CUX1: variants seen among roughly 807,000 people sequenced by gnomAD.
CUX1 encodes cut like homeobox 1, also known as protein CASP.
In CUX1, 31 loss-of-function variants were observed where a neutral mutation model predicts 158.8. The observed-to-expected ratio is 0.20, with a 90% CI of 0.15 to 0.26. The LOEUF (loss-of-function observed/expected upper bound fraction) is 0.26, where lower values mean the gene tolerates loss of function less well. Ranked by LOEUF, CUX1 falls within the 10% of genes least tolerant of loss-of-function variation. The pLI is 1.00. For missense variants in CUX1, 1,589 were observed against 2,014.6 expected (o/e 0.79, Z 4.04); for synonymous variants, 879 against 862.1 (o/e 1.02, Z -0.34).
intron 2 of CUX1, among the ~76,000 whole-genome samples, chr7:101,984,089 A>AAATAT (rs1221503978): frequency 2.7e-4 from 8 of 29,846 alleles, no homozygotes; most frequent in East Asian, 6.7e-4. Context: ...AAAAAAAAAA[A>AAATAT]ATATATATAT....
At chr7:102,106,876 C>T (rs147181265) in intron 6 of CUX1, among the ~76,000 whole-genome samples, 2 of 152,162 alleles carry the variant, frequency 1.3e-5, no homozygotes, top group African/African-American at 4.8e-5. Context: ...CTTTGGGGCT[C>T]GCCTGCCCTG....
intron 5 of CUX1, among the ~76,000 whole-genome samples, chr7:102,098,949 G>A (rs78320166): frequency 0.016 from 2,424 of 148,332 alleles, 34 homozygotes; most frequent in Non-Finnish European, 0.025. Flanking sequence ...GTGAGCCACC[G>A]CACCCAGCCA....
rs1554539511 is a variant in CUX1, at chr7:102,250,311, G to A, written c.*1269G>A. 11 of 985,306 alleles carry A rather than the reference G, an allele frequency of 1.1e-5. No homozygotes were observed. Among genetic ancestry groups the A allele is most frequent in the Non-Finnish European group, 1.3e-5 (11 of 829,964 alleles). The allele number at this position is 985,306 out of a possible 1,614,324, so 61.0% of individuals were successfully genotyped here. ...ACAGCAGGCAGTTCCAGGGCCAGAC[G>A]GGCCCATCCCCAAGTAGATAGCAGT... On this transcript the variant is annotated 3_prime_UTR_variant, in exon 24 of 24. Transcript: ENST00000292535.
chr7:102,230,856 C>T (rs997633739), intron 21 of CUX1, among the ~76,000 whole-genome samples: 2 of 152,000 alleles, frequency 1.3e-5, no homozygotes, highest in African/African-American at 4.8e-5. Flanking sequence ...TAGGAAGTGG[C>T]ATTTCGTGTA....
chr7:102,214,218 T>C (rs1449925487), intron 20 of CUX1, among the ~76,000 whole-genome samples: 1 of 152,038 alleles, frequency 6.6e-6, no homozygotes, highest in Non-Finnish European at 1.5e-5. Flanking sequence ...AAAGGTGATT[T>C]GCCCCAATCA....
intron 4 of CUX1, among the ~76,000 whole-genome samples, chr7:102,087,320 C>G (rs564853254): frequency 6.6e-6 from 1 of 152,184 alleles, no homozygotes; most frequent in Non-Finnish European, 1.5e-5. Context: ...ATGGCTCACA[C>G]CTGTAATCCC....
At chr7:102,140,805 C>T (rs555671214) in intron 8 of CUX1, among the ~76,000 whole-genome samples, 2 of 149,990 alleles carry the variant, frequency 1.3e-5, no homozygotes, top group Admixed American at 6.7e-5. Context: ...GCAGAGGTTG[C>T]GGTGAGCCAA....
At chr7:102,090,829 C>T (rs1828509035) in intron 4 of CUX1, among the ~76,000 whole-genome samples, 1 of 151,954 alleles carries the variant, frequency 6.6e-6, no homozygotes, top group East Asian at 1.9e-4. Context: ...TGAGTGTTAA[C>T]TCTGTGTATG....
intron 21 of CUX1, among the ~76,000 whole-genome samples, chr7:102,229,611 C>CTTTTT (rs781991747): frequency 1.7e-4 from 12 of 70,020 alleles, no homozygotes; most frequent in Admixed American, 3.6e-4. Context: ...CGTGTCTGGC[C>CTTTTT]TTTTTTTTTT....
In CUX1 at chr7:102,256,341, CTATTT is replaced by C. The variant is rs1338150253; in HGVS notation, c.*7300_*7304del. ...AAAAAAAAATTATTTCTATCCTCTTCTATTTATTATTAGGTTAATCATTTAAGTAC... is the reference window on the plus strand; with the variant it reads ...AAAAAAAAATTATTTCTATCCTCTTCATTATTAGGTTAATCATTTAAGTAC... On this transcript the variant is annotated 3_prime_UTR_variant, in exon 24 of 24. Transcript: ENST00000292535. 1.0e-6 allele frequency: 1 copy of C among 984,504 alleles called. No homozygotes were observed. The highest frequency in any genetic ancestry group is 1.7e-5 in the African/African-American group (1 of 57,182). 61.0% of individuals were successfully genotyped at this position (984,504 alleles called of 1,614,324 possible).
At chr7:101,973,588 G>C (rs764970344) in intron 2 of CUX1, among the ~76,000 whole-genome samples, 1 of 151,996 alleles carries the variant, frequency 6.6e-6, no homozygotes, top group Admixed American at 6.6e-5. Flanking sequence ...GAATGCACCC[G>C]TGTCCCCTGC....
At chr7:101,984,750 C>T (rs1011071763) in intron 2 of CUX1, among the ~76,000 whole-genome samples, 1 of 152,104 alleles carries the variant, frequency 6.6e-6, no homozygotes, top group Non-Finnish European at 1.5e-5. Context: ...AAAAACAGCA[C>T]GTTCTCAGTA....
intron 2 of CUX1, among the ~76,000 whole-genome samples, chr7:101,919,806 G>A (rs990670862): frequency 6.6e-6 from 1 of 152,224 alleles, no homozygotes; most frequent in African/African-American, 2.4e-5. Flanking sequence ...CTCTAGTCCA[G>A]GAGGGAAAAG....
chr7:102,002,596 C>T (rs1171370879), intron 2 of CUX1, among the ~76,000 whole-genome samples: 1 of 152,210 alleles, frequency 6.6e-6, no homozygotes, highest in African/African-American at 2.4e-5. Flanking sequence ...ACAAGGGGGC[C>T]TTGCTGTTGG....
At chr7:102,069,697 G>A (rs368472931) in intron 3 of CUX1, among the ~76,000 whole-genome samples, 1 of 152,196 alleles carries the variant, frequency 6.6e-6, no homozygotes, top group African/African-American at 2.4e-5. Flanking sequence ...GCAGTGAGCT[G>A]AGATCGTGCT....
chr7:102,185,998 G>A (rs1010472960), intron 11 of CUX1, among the ~76,000 whole-genome samples: 7 of 152,194 alleles, frequency 4.6e-5, no homozygotes, highest in South Asian at 2.1e-4. Context: ...CGCGGCCAGC[G>A]GTAGCGTGAC....
intron 9 of CUX1, among the ~76,000 whole-genome samples, chr7:102,168,010 G>C (rs939450308): frequency 2.6e-5 from 4 of 151,772 alleles, no homozygotes; most frequent in Admixed American, 2.6e-4. Context: ...CCCGGGAGGC[G>C]GAGGTTGCAG....
chr7:102,138,948 GA>G (rs1554499421), intron 8 of CUX1, among the ~76,000 whole-genome samples: 1 of 152,092 alleles, frequency 6.6e-6, no homozygotes, highest in Non-Finnish European at 1.5e-5. Context: ...ACTAAACTTA[GA>G]AATGTATCAG....
At position 102,248,278 on chromosome 7, in the gene CUX1, GCTGGAGGGGCACGGAGGGGCCT is replaced by G. The variant is rs1351001653; in HGVS notation, c.3888-132_3888-111del. On this transcript the variant is annotated intron_variant, in intron 23 of 23. Transcript: ENST00000292535. The surrounding 1 kb of genome is among the most constrained non-coding windows in gnomAD (Gnocchi z 5.8). ...GGGGCTGCCCCGTGGCCCGAGGGTC[GCTGGAGGGGCACGGAGGGGCCT>G]CCAGGCTGGACGGAGCAGGAGCCCC... 1 of 792,356 alleles carries G rather than the reference GCTGGAGGGGCACGGAGGGGCCT, an allele frequency of 1.3e-6. No homozygotes were observed. The allele number at this position is 792,356 out of a possible 1,614,324, so 49.1% of individuals were successfully genotyped here. A position where few individuals can be genotyped will look rare whatever the true frequency, so the allele number is the denominator to read the frequency against.
Sources: gnomAD v4.1 joint callset for allele counts (sites outside exome capture counted in the v4.1 genomes callset) on GRCh38, gnomAD v4.1.1 for gene constraint, Gnocchi (gnomAD v3.1) non-coding constraint, MANE v1.5 for transcripts, NCBI Gene and HGNC (gene_info 2026-07-23, HGNC 2026-07-21) for gene names.